Variants in INVS observed in about 807,000 individuals in gnomAD.
INVS encodes inversion of embryo turning homolog.
A neutral mutation model predicts 108.8 loss-of-function variants in INVS; 86 were observed. The observed-to-expected ratio is 0.79, with a 90% CI of 0.66 to 0.95. The LOEUF (loss-of-function observed/expected upper bound fraction) is 0.95. INVS is among the 40% of genes least tolerant of loss of function. The probability of loss-of-function intolerance (pLI) is 0.00; values close to 1 mark genes in which losing one functional copy is unlikely to be tolerated. For synonymous variants in INVS, 455 were observed against 473.5 expected (o/e 0.96, Z 0.51); for missense variants, 1,169 against 1,297.4 (o/e 0.90, Z 1.52).
intron 1 of INVS, among the ~76,000 whole-genome samples, chr9:100,100,200 A>G (rs906645013): frequency 6.6e-6 from 1 of 151,682 alleles, no homozygotes; most frequent in African/African-American, 2.4e-5. Context: ...AAAATGATTT[A>G]TTTTCTTAAA....
At chr9:100,161,932 G>T (rs923452579) in intron 3 of INVS, among the ~76,000 whole-genome samples, 2 of 152,096 alleles carry the variant, frequency 1.3e-5, no homozygotes, top group South Asian at 4.1e-4. Flanking sequence ...CCCATTCATT[G>T]TTTGTCAACT....
At chr9:100,164,918 CT>C (rs979235898) in intron 3 of INVS, among the ~76,000 whole-genome samples, 2 of 118,376 alleles carry the variant, frequency 1.7e-5, no homozygotes, top group Non-Finnish European at 3.5e-5. Flanking sequence ...TTTTTTACAA[CT>C]TTTTGGCTAT....
At chr9:100,212,917 G>A (rs1830875157) in intron 3 of INVS, among the ~76,000 whole-genome samples, 1 of 152,070 alleles carries the variant, frequency 6.6e-6, no homozygotes, top group South Asian at 2.1e-4. Context: ...TAGACTGGAT[G>A]GCTGGAACAA....
At chr9:100,192,853 G>A (rs1214960901) in intron 3 of INVS, among the ~76,000 whole-genome samples, 1 of 151,814 alleles carries the variant, frequency 6.6e-6, no homozygotes, top group Non-Finnish European at 1.5e-5. Context: ...ATTTTCTTTT[G>A]TGAAGTTGTG....
At chr9:100,105,836 C>A (rs1177225703) in intron 2 of INVS, among the ~76,000 whole-genome samples, 1 of 130,666 alleles carries the variant, frequency 7.7e-6, no homozygotes, top group Non-Finnish European at 1.6e-5. Flanking sequence ...AAATCCTTCT[C>A]TTGGAAAAAT....
chr9:100,156,723 T>C (rs137862922), intron 3 of INVS, among the ~76,000 whole-genome samples: 223 of 152,284 alleles, frequency 1.5e-3, no homozygotes, highest in African/African-American at 5.1e-3. Flanking sequence ...ATTTCTGGTT[T>C]ACCCTTCATA....
chr9:100,152,774 C>T lies in INVS; in HGVS notation c.273+26225C>T, dbSNP rs186177610. ...ACCAATATAACTACTCATTTTCAGGCAATTTATTAGACATATACTCATAGT... is the reference window on the plus strand; with the variant it reads ...ACCAATATAACTACTCATTTTCAGGTAATTTATTAGACATATACTCATAGT... On this transcript the variant is annotated intron_variant, in intron 3 of 16. Coordinates refer to ENST00000262457, the MANE Select transcript of INVS (RefSeq NM_014425.5). Among the ~76,000 whole-genome samples the T allele has an allele frequency of 7.6e-3, 1,150 of 152,218 alleles. 9 individuals carry two copies. The highest frequency in any genetic ancestry group is 0.01 in the Admixed American group (155 of 15,288).
intron 3 of INVS, among the ~76,000 whole-genome samples, chr9:100,165,254 T>A (rs860171): frequency 0.69 from 104,087 of 151,892 alleles, 36,756 homozygotes; most frequent in East Asian, 0.91. Flanking sequence ...TTAGAATTAC[T>A]GTTCAATTTT....
intron 3 of INVS, among the ~76,000 whole-genome samples, chr9:100,140,013 C>T (rs1386352277): frequency 2.0e-5 from 3 of 152,196 alleles, no homozygotes; most frequent in Non-Finnish European, 4.4e-5. Flanking sequence ...ACCACTACCT[C>T]TATCTAGTTC....
At chr9:100,170,858 A>G (rs1829516418) in intron 3 of INVS, among the ~76,000 whole-genome samples, 1 of 152,236 alleles carries the variant, frequency 6.6e-6, no homozygotes, top group Non-Finnish European at 1.5e-5. Flanking sequence ...AGAGAAGTTC[A>G]TAGTTTAATG....
At chr9:100,278,865 G>T (rs1833192310) in intron 12 of INVS, among the ~76,000 whole-genome samples, 1 of 152,098 alleles carries the variant, frequency 6.6e-6, no homozygotes, top group South Asian at 2.1e-4. Context: ...CTGAATATTG[G>T]TCATGAGAAA....
chr9:100,192,758 G>A (rs1049787762), intron 3 of INVS, among the ~76,000 whole-genome samples: 1 of 152,116 alleles, frequency 6.6e-6, no homozygotes, highest in Non-Finnish European at 1.5e-5. Context: ...CATTTCTAGT[G>A]TGTTTCTCAT....
At chr9:100,285,194 A>G (rs1833402821) in intron 13 of INVS, among the ~76,000 whole-genome samples, 1 of 152,244 alleles carries the variant, frequency 6.6e-6, no homozygotes, top group African/African-American at 2.4e-5. Flanking sequence ...AGCCAGATAT[A>G]GAATTCAGGG....
intron 3 of INVS, among the ~76,000 whole-genome samples, chr9:100,185,193 A>G (rs919369122): frequency 2.7e-5 from 4 of 149,504 alleles, no homozygotes; most frequent in Admixed American, 2.0e-4. Context: ...TGTCATCTTT[A>G]TATTTGTTCC....
In INVS at chr9:100,166,530, A is replaced by G. The variant is rs1043327905; in HGVS notation, c.273+39981A>G. 5.3e-5 allele frequency among the ~76,000 whole-genome samples: 8 copies of G among 152,160 alleles called. No homozygotes were observed. In the South Asian group the frequency reaches 1.7e-3, roughly 32 times the overall value. ...AGAATGAGACCTTGTTTAAGAAAAA[A>G]AAGAAGCCACAGATCCCTTGCTGCA... On this transcript the variant is annotated intron_variant, in intron 3 of 16. Coordinates refer to ENST00000262457, the MANE Select transcript of INVS (RefSeq NM_014425.5).
intron 3 of INVS, among the ~76,000 whole-genome samples, chr9:100,193,312 T>G (rs1399819152): frequency 6.6e-6 from 1 of 152,200 alleles, no homozygotes; most frequent in Non-Finnish European, 1.5e-5. Context: ...TTTAAATCTC[T>G]TTTGCACAGA....
chr9:100,272,951 C>G lies in INVS; in HGVS notation c.1659C>G (p.Ala553=), dbSNP rs1372114590. The G allele has an allele frequency of 6.2e-7, 1 of 1,613,916 alleles. No individual in the cohort carries two copies. The highest frequency in any genetic ancestry group is 1.3e-5 in the African/African-American group (1 of 74,888). The change falls in exon 12 of 17, where the codon GCC becomes GCG. Residue 553 remains alanine (A), a synonymous_variant. Coordinates refer to ENST00000262457, the MANE Select transcript of INVS (RefSeq NM_014425.5). ...AGCACGGTGCCCTGTCCATCGCAGC[C>G]ATACAAGACATCGCCGCCTTCAAAA... ...MLEHGALSIA[A]IQDIAAFKIQ...
intron 1 of INVS, among the ~76,000 whole-genome samples, chr9:100,103,414 A>G (rs1426494528): frequency 2.6e-5 from 4 of 151,468 alleles, no homozygotes; most frequent in Non-Finnish European, 5.9e-5. Context: ...ATCACTTGAG[A>G]TCAGGAGTTC....
At chr9:100,187,076 G>C (rs1331352801) in intron 3 of INVS, among the ~76,000 whole-genome samples, 1 of 151,936 alleles carries the variant, frequency 6.6e-6, no homozygotes. Flanking sequence ...TTCTACATGT[G>C]CGTATCCAGT....
Sources: gnomAD v4.1 joint callset for allele counts (sites outside exome capture counted in the v4.1 genomes callset) on GRCh38, gnomAD v4.1.1 for gene constraint, MANE v1.5 for transcripts, NCBI Gene and HGNC (gene_info 2026-07-23, HGNC 2026-07-21) for gene names.